Variants in ARFGEF3 observed in about 807,000 individuals in gnomAD.
The protein encoded by ARFGEF3 is brefeldin A-inhibited guanine nucleotide-exchange protein 3.
A neutral mutation model predicts 221.7 loss-of-function variants in ARFGEF3; 96 were observed. The observed-to-expected ratio is 0.43, with a 90% CI of 0.37 to 0.51. ARFGEF3 has a LOEUF of 0.51. Among genes scored for constraint, ARFGEF3 ranks in the 20% least tolerant of loss-of-function variants. ARFGEF3 has a pLI of 0.00. For missense variants in ARFGEF3, 2,410 were observed against 2,789.9 expected, an observed-to-expected ratio of 0.86 and a Z score of 3.07; for synonymous variants, 1,145 against 1,126.8, an observed-to-expected ratio of 1.02 and a Z score of -0.32.
intron 2 of ARFGEF3, among the ~76,000 whole-genome samples, chr6:138,200,439 A>G (rs1249428263): frequency 1.3e-5 from 2 of 152,252 alleles, no homozygotes; most frequent in Non-Finnish European, 2.9e-5. Flanking sequence ...ATAAGGCCAT[A>G]GTCACTAAAA....
intron 25 of ARFGEF3, among the ~76,000 whole-genome samples, chr6:138,312,667 G>A (rs1487961391): frequency 6.6e-6 from 1 of 152,140 alleles, no homozygotes; most frequent in Non-Finnish European, 1.5e-5. Context: ...CCTCCTCAGA[G>A]CACAGGGCTA....
chr6:138,331,211 G>A (rs1459679813), intron 32 of ARFGEF3, among the ~76,000 whole-genome samples: 1 of 152,148 alleles, frequency 6.6e-6, no homozygotes, highest in African/African-American at 2.4e-5. Flanking sequence ...AATTTACTTA[G>A]CACTTTTAAT....
intron 8 of ARFGEF3, among the ~76,000 whole-genome samples, chr6:138,248,973 T>G (rs973915753): frequency 2.6e-5 from 4 of 152,240 alleles, no homozygotes; most frequent in African/African-American, 4.8e-5. Context: ...CCTGGCATTC[T>G]GGGGTTCAAG....
chr6:138,236,016 TA>T (rs958810566), intron 5 of ARFGEF3, among the ~76,000 whole-genome samples: 6 of 152,174 alleles, frequency 3.9e-5, no homozygotes, highest in African/African-American at 1.4e-4. Flanking sequence ...GCATTAAAAC[TA>T]AAAAAAGAAT....
chr6:138,222,939 A>G (rs1283727999), intron 4 of ARFGEF3, among the ~76,000 whole-genome samples: 1 of 152,146 alleles, frequency 6.6e-6, no homozygotes, highest in Non-Finnish European at 1.5e-5. Context: ...AAATTGAAGT[A>G]AGAAAATGTC....
At position 138,261,561 on chromosome 6, in the gene ARFGEF3, C is replaced by T. The variant is rs745532449; in HGVS notation, c.1139C>T (p.Ala380Val). The T allele has an allele frequency of 4.4e-6, 7 of 1,578,706 alleles. No homozygotes were observed. Among genetic ancestry groups the T allele is most frequent in the Non-Finnish European group, 6.0e-6 (7 of 1,160,768 alleles). ...LGSPQRLCDL[A>V]GPSSTESESR... ...AGCCCACAGCGTCTCTGTGACTTGGCAGGACCCAGCTCCACTGAATCAGAG... is the reference window on the plus strand; with the variant it reads ...AGCCCACAGCGTCTCTGTGACTTGGTAGGACCCAGCTCCACTGAATCAGAG... Residue 380 changes from alanine to valine, a missense_variant, in exon 11 of 34, where the codon GCA becomes GTA. Physicochemically the swap from Ala to Val is moderately conservative, Grantham distance 64. Transcript: ENST00000251691.
chr6:138,242,918 T>C, intron 6 of ARFGEF3, 34 bp from the exon 7 acceptor site: 1 of 1,580,442 alleles, frequency 6.3e-7, no homozygotes, highest in African/African-American at 1.3e-5. Context: ...CTTGCCTGAA[T>C]CTCCTAATTG....
chr6:138,199,915 G>T (rs752285565), intron 2 of ARFGEF3, among the ~76,000 whole-genome samples: 9 of 152,134 alleles, frequency 5.9e-5, no homozygotes, highest in Non-Finnish European at 1.2e-4. Context: ...GTACTATGTT[G>T]AAGAGGAGTG....
chr6:138,238,373 T>C, intron 5 of ARFGEF3, 136 bp from the exon 6 acceptor site: 1 of 736,040 alleles, frequency 1.4e-6, no homozygotes, highest in Non-Finnish European at 2.1e-6. Flanking sequence ...TAGTTATATT[T>C]AGTAATAACC....
In ARFGEF3 at chr6:138,337,789, A is replaced by G. The variant is rs559310552; in HGVS notation, c.*1303A>G. ...TTATCTTATTATTTACAGTATTTTT[A>G]TATTTCTTACATTATCCTAATGATT... On this transcript the variant is annotated 3_prime_UTR_variant, in exon 34 of 34. Transcript: ENST00000251691. 2.6e-5 allele frequency: 4 copies of G among 152,334 alleles called. No homozygotes were observed. Among genetic ancestry groups the G allele is most frequent in the East Asian group, 1.9e-4 (1 of 5,190 alleles). 9.4% of individuals were successfully genotyped at this position (152,334 alleles called of 1,614,324 possible). A position where few individuals can be genotyped will look rare whatever the true frequency, so the allele number is the denominator to read the frequency against.
chr6:138,243,052 G>A, intron 7 of ARFGEF3, 58 bp downstream of exon 7: 2 of 1,367,218 alleles, frequency 1.5e-6, no homozygotes, highest in Admixed American at 1.8e-5. Flanking sequence ...AATGCCTACT[G>A]TGTGCTTGGA....
chr6:138,323,820 T>G (rs1369197747), intron 30 of ARFGEF3, 47 bp downstream of exon 30: 2 of 1,592,466 alleles, frequency 1.3e-6, no homozygotes, highest in Non-Finnish European at 1.7e-6. Context: ...CTAACCATCT[T>G]TAGCTCCTGA....
intron 4 of ARFGEF3, among the ~76,000 whole-genome samples, chr6:138,213,804 TG>T (rs1241668408): frequency 3.9e-5 from 6 of 152,222 alleles, no homozygotes; most frequent in Admixed American, 3.9e-4. Context: ...GTTAATTTTT[TG>T]AAGTATACTT....
chr6:138,199,460 G>T (rs1462337625), intron 2 of ARFGEF3, among the ~76,000 whole-genome samples: 1 of 152,094 alleles, frequency 6.6e-6, no homozygotes, highest in Non-Finnish European at 1.5e-5. Flanking sequence ...TGTATTTGGG[G>T]TTACTTAAAG....
rs776224660 is a variant in ARFGEF3 at position 138,263,274 on chromosome 6, C to T, written c.1791C>T (p.Ser597=). Residue 597 remains serine, a synonymous_variant, in exon 12 of 34, where the codon AGC becomes AGT. Transcript: ENST00000251691. ...CTAGGTATAGTGAGAGCAATTTTAG[C>T]GTTGATGACCAAGACCTTTCTAGGA... ...YGSRYSESNF[S]VDDQDLSRTE... 6 of 1,613,946 alleles carry T rather than the reference C, an allele frequency of 3.7e-6. No homozygotes were observed. The highest frequency in any genetic ancestry group is 4.2e-6 in the Non-Finnish European group (5 of 1,179,886).
chr6:138,256,677 C>A (rs1778687917), intron 10 of ARFGEF3, among the ~76,000 whole-genome samples: 1 of 152,072 alleles, frequency 6.6e-6, no homozygotes, highest in Non-Finnish European at 1.5e-5. Flanking sequence ...AATCTATGAG[C>A]CCACGATAAT....
In ARFGEF3 at chr6:138,255,778, G is replaced by T; in HGVS notation, c.1104+9G>T. 1 of 1,517,306 alleles carries T rather than the reference G, an allele frequency of 6.6e-7. No individual in the cohort carries two copies. The highest frequency in any genetic ancestry group is 2.4e-5 in the East Asian group (1 of 42,130). 94.0% of individuals were successfully genotyped at this position (1,517,306 alleles called of 1,614,324 possible). A position where few individuals can be genotyped will look rare whatever the true frequency, so the allele number is the denominator to read the frequency against. The stretch of plus-strand genomic sequence containing the variant: ...TCAAAATAATGAAAGAGGTGAGGAG[G>T]CACTGGAGATCGCCACCAGGTTTAC... On this transcript the variant is annotated intron_variant, in intron 10 of 33. Coordinates refer to ENST00000251691, the MANE Select transcript of ARFGEF3 (RefSeq NM_020340.5).
intron 2 of ARFGEF3, among the ~76,000 whole-genome samples, chr6:138,195,155 A>T (rs1777390246): frequency 6.6e-6 from 1 of 151,452 alleles, no homozygotes; most frequent in Non-Finnish European, 1.5e-5. Context: ...GGTGCACACC[A>T]CCACATGCAG....
At chr6:138,319,920 T>C (rs772195506) in intron 28 of ARFGEF3, 41 bp downstream of exon 28, 1 of 1,570,528 alleles carries the variant, frequency 6.4e-7, no homozygotes, top group Non-Finnish European at 8.7e-7. Context: ...GGTATTTCTT[T>C]GGTAGACAGC....
Sources: allele counts gnomAD v4.1 joint callset (sites outside exome capture counted in the v4.1 genomes callset), GRCh38; gene constraint gnomAD v4.1.1; transcripts MANE v1.5; gene names NCBI Gene and HGNC (gene_info 2026-07-23, HGNC 2026-07-21).